PLXNA2: variants seen among roughly 807,000 people sequenced by gnomAD.
PLXNA2 encodes plexin-A2.
Under a neutral mutation model 193.5 loss-of-function variants are expected in PLXNA2, and 91 were observed. That is an observed-to-expected ratio of 0.47 (90% CI 0.40 to 0.56). PLXNA2 has a LOEUF of 0.56. PLXNA2 is among the 20% of genes least tolerant of loss of function. The probability of loss-of-function intolerance (pLI) is 0.00; values close to 1 mark genes in which losing one functional copy is unlikely to be tolerated. For missense variants in PLXNA2, 1,995 were observed against 2,503.2 expected (o/e 0.80, Z 4.33); for synonymous variants, 997 against 1,027.3 (o/e 0.97, Z 0.56).
chr1:208,089,054 C>G (rs1241513216), intron 9 of PLXNA2, among the ~76,000 whole-genome samples: 1 of 152,136 alleles, frequency 6.6e-6, no homozygotes, highest in Non-Finnish European at 1.5e-5. Context: ...ATAATAAGTA[C>G]TAATATTTTT....
intron 3 of PLXNA2, among the ~76,000 whole-genome samples, chr1:208,189,143 T>C (rs531761891): frequency 5.9e-5 from 9 of 152,302 alleles, no homozygotes; most frequent in African/African-American, 2.2e-4. Context: ...CTCCAAGCCT[T>C]AAGATCCTGA....
At chr1:208,142,826 T>A (rs1173342319) in intron 3 of PLXNA2, among the ~76,000 whole-genome samples, 5 of 152,272 alleles carry the variant, frequency 3.3e-5, no homozygotes, top group Non-Finnish European at 7.3e-5. Flanking sequence ...CACTCCTTCA[T>A]GGTGGCTGGG....
At chr1:208,067,215 A>G (rs2478818) in intron 12 of PLXNA2, among the ~76,000 whole-genome samples, 7,817 of 152,050 alleles carry the variant, frequency 0.051, 283 homozygotes, top group East Asian at 0.11. Context: ...TTGGTGTTGC[A>G]TGCCTGTAAT....
At chr1:208,036,203 C>T (rs1051511672) in intron 26 of PLXNA2, among the ~76,000 whole-genome samples, 1 of 152,168 alleles carries the variant, frequency 6.6e-6, no homozygotes, top group Non-Finnish European at 1.5e-5. Flanking sequence ...CAACTGACAG[C>T]CCAGAAATGA....
chr1:208,041,521 G>C (rs1250405790), intron 22 of PLXNA2, among the ~76,000 whole-genome samples: 1 of 152,212 alleles, frequency 6.6e-6, no homozygotes, highest in Non-Finnish European at 1.5e-5. Flanking sequence ...CTGCGCAATA[G>C]AACCTTCTGC....
chr1:208,187,661 C>T (rs1310104973), intron 3 of PLXNA2, among the ~76,000 whole-genome samples: 2 of 152,216 alleles, frequency 1.3e-5, no homozygotes, highest in African/African-American at 4.8e-5. Flanking sequence ...CCTATCTGGA[C>T]TGTTGTTTCC....
rs1304506217 is a variant in PLXNA2 at position 208,024,592 on chromosome 1, C to T, written c.*2651G>A. ...AAACCACTCACAGCCAGCTCCGGCT[C>T]TTCACTCTCCACCCTCCAATTGGCC... On this transcript the variant is annotated 3_prime_UTR_variant, in exon 32 of 32. Coordinates refer to ENST00000367033, the MANE Select transcript of PLXNA2 (RefSeq NM_025179.4). 1.3e-5 allele frequency: 2 copies of T among 152,430 alleles called. No homozygotes were observed. Among genetic ancestry groups the T allele is most frequent in the African/African-American group, 4.8e-5 (2 of 41,460 alleles). 9.4% of individuals were successfully genotyped at this position (152,430 alleles called of 1,614,324 possible).
In PLXNA2 at chr1:208,142,710, T is replaced by C. The variant is rs1445888422; in HGVS notation, c.1372-247A>G. On this transcript the variant is annotated intron_variant, in intron 3 of 31. Transcript: ENST00000367033. ...TTTATTTGTGTGTGCATATACGCCC[T>C]TGGGAATGATTTTGAATATCCCTAT... 2.0e-5 allele frequency among the ~76,000 whole-genome samples: 3 copies of C among 152,372 alleles called. No homozygotes were observed. In the East Asian group the frequency reaches 5.8e-4, roughly 29 times the overall value.
rs1479805419 is a variant in PLXNA2 at position 208,244,342 on chromosome 1, C to T, written c.-780G>A. ...GGCGGCGGCGGCGGCGGCGGAGGAG[C>T]CCTGAGCGCCGGCCTCCCTATTTCA... On this transcript the variant is annotated 5_prime_UTR_variant, in exon 1 of 32. Transcript: ENST00000367033. The T allele has an allele frequency of 1.0e-5, 2 of 197,130 alleles. No individual in the cohort carries two copies. The highest frequency in any genetic ancestry group is 2.4e-5 in the African/African-American group (1 of 41,786). 12.2% of individuals were successfully genotyped at this position (197,130 alleles called of 1,614,324 possible). A position where few individuals can be genotyped will look rare whatever the true frequency, so the allele number is the denominator to read the frequency against.
intron 4 of PLXNA2, among the ~76,000 whole-genome samples, chr1:208,140,901 A>G (rs1215261093): frequency 6.6e-6 from 1 of 152,214 alleles, no homozygotes; most frequent in Non-Finnish European, 1.5e-5. Flanking sequence ...GATGATTCCC[A>G]GCACTTTGTT....
At chr1:208,055,685 C>T (rs1001499602) in intron 13 of PLXNA2, among the ~76,000 whole-genome samples, 11 of 152,106 alleles carry the variant, frequency 7.2e-5, no homozygotes, top group African/African-American at 1.4e-4. Flanking sequence ...TTTAACCGAG[C>T]GATGCTTATC....
chr1:208,049,023 T>C (rs1166199512), intron 17 of PLXNA2, among the ~76,000 whole-genome samples: 1 of 152,178 alleles, frequency 6.6e-6, no homozygotes, highest in Admixed American at 6.5e-5. Flanking sequence ...GGGACAGCCC[T>C]GGGCCCCAGA....
At chr1:208,104,424 G>A (rs1445076869) in intron 4 of PLXNA2, among the ~76,000 whole-genome samples, 1 of 152,168 alleles carries the variant, frequency 6.6e-6, no homozygotes, top group Non-Finnish European at 1.5e-5. Context: ...ACGGTCCAGT[G>A]GGAGTTGGTA....
rs1232038311 is a variant in PLXNA2, at chr1:208,028,176, AG to A, written c.5439-18del. Reference sequence around the variant, plus strand: ...GCGTAGTATCTGCCAGAGACAGGATAGGCGCCTTGGTGGAGGCCTCAGCAAA... The same window carrying A: ...GCGTAGTATCTGCCAGAGACAGGATAGCGCCTTGGTGGAGGCCTCAGCAAA... On this transcript the variant is annotated intron_variant, in intron 30 of 31. Coordinates refer to ENST00000367033, the MANE Select transcript of PLXNA2 (RefSeq NM_025179.4). This position sits in a 1 kb window ranked among gnomAD's most constrained non-coding sequence, Gnocchi z 4.2. The A allele has an allele frequency of 6.3e-7, 1 of 1,593,442 alleles. No homozygotes were observed. The highest frequency in any genetic ancestry group is 8.6e-7 in the Non-Finnish European group (1 of 1,168,964).
At chr1:208,178,719 A>T (rs148159571) in intron 3 of PLXNA2, among the ~76,000 whole-genome samples, 1 of 152,160 alleles carries the variant, frequency 6.6e-6, no homozygotes, top group East Asian at 1.9e-4. Context: ...AGTTCCAATA[A>T]CTCACCCTTA....
chr1:208,210,006 C>CTTTTTTTTTTTTTTTTTTTTTTTTTT (rs1572035189), intron 3 of PLXNA2: 7 of 32,270 alleles, frequency 2.2e-4, no homozygotes, highest in South Asian at 1.1e-3. Flanking sequence ...TTTTTTTTTG[C>CTTTTTTTTTTTTTTTTTTTTTTTTTT]TTTTGCAGAT....
rs756403634 is a variant in PLXNA2, at chr1:208,060,694, G to A, written c.2730C>T (p.Ile910=). The change falls in exon 13 of 32, where the codon ATC becomes ATT. Residue 910 remains isoleucine, a synonymous_variant. Coordinates refer to ENST00000367033, the MANE Select transcript of PLXNA2 (RefSeq NM_025179.4). ...PCTPLPGEYI[I]AEQIVCEMGH... ...GGCCAGGGCGGACTCACTGCTCAGC[G>A]ATGATGTATTCCCCTGGGAGGGGCG... 2.5e-6 allele frequency: 4 copies of A among 1,613,526 alleles called. No homozygotes were observed. The highest frequency in any genetic ancestry group is 2.2e-5 in the East Asian group (1 of 44,848).
intron 12 of PLXNA2, among the ~76,000 whole-genome samples, chr1:208,066,129 G>T: frequency 6.6e-6 from 1 of 152,116 alleles, no homozygotes; most frequent in East Asian, 1.9e-4. Context: ...GAAGATCTTT[G>T]GATACTGACT....
Position 208,225,530 on chromosome 1 carries a change from C to A in PLXNA2, c.-80-7528G>T, listed in dbSNP as rs576559096. Reference sequence around the variant, plus strand: ...GTTTCATGATGCTAGCCAGGCTGGTCTTGAACTCCTGGGCTCAAGTGATCC... The same window carrying A: ...GTTTCATGATGCTAGCCAGGCTGGTATTGAACTCCTGGGCTCAAGTGATCC... On this transcript the variant is annotated intron_variant, in intron 1 of 31. Transcript: ENST00000367033. 5.9e-5 allele frequency among the ~76,000 whole-genome samples: 9 copies of A among 152,288 alleles called. No individual in the cohort carries two copies. The South Asian group carries it at 1.9e-3, about 32-fold the overall frequency.
Sources: allele counts gnomAD v4.1 joint callset (sites outside exome capture counted in the v4.1 genomes callset), GRCh38; gene constraint gnomAD v4.1.1; non-coding constraint Gnocchi (gnomAD v3.1); transcripts MANE v1.5; gene names NCBI Gene and HGNC (gene_info 2026-07-23, HGNC 2026-07-21).